CDK14: variants seen among roughly 807,000 people sequenced by gnomAD.
The protein encoded by CDK14 is cyclin-dependent kinase 14.
In CDK14, 34 loss-of-function variants were observed where a neutral mutation model predicts 60.7. That is an observed-to-expected ratio of 0.56 (90% confidence interval 0.43 to 0.75). The LOEUF is 0.75. Among genes scored for constraint, CDK14 ranks in the 30% least tolerant of loss-of-function variants. The pLI, the probability that CDK14 is intolerant of heterozygous loss-of-function variation, is 0.00. For synonymous variants in CDK14, 197 were observed against 203.7 expected, an observed-to-expected ratio of 0.97 and a Z score of 0.28; for missense variants, 482 against 564.1, an observed-to-expected ratio of 0.85 and a Z score of 1.47.
At chr7:90,919,340 C>T (rs1272659558) in intron 8 of CDK14, among the ~76,000 whole-genome samples, 1 of 152,016 alleles carries the variant, frequency 6.6e-6, no homozygotes, top group East Asian at 1.9e-4. Context: ...TTTGTGCTTA[C>T]TAGGGATTCT....
chr7:90,863,199 A>G lies in CDK14; in HGVS notation c.569A>G (p.His190Arg). 1 of 1,607,606 alleles carries G rather than the reference A, an allele frequency of 6.2e-7. No individual in the cohort carries two copies. The highest frequency in any genetic ancestry group is 8.5e-7 in the Non-Finnish European group (1 of 1,175,358). The part of the protein sequence containing the change: ...REASLLKGLK[H>R]ANIVLLHDII... ...GCTTCTCTTTTAAAAGGACTAAAACATGCTAACATAGTGCTACTTCATGAC... is the reference window on the plus strand; with the variant it reads ...GCTTCTCTTTTAAAAGGACTAAAACGTGCTAACATAGTGCTACTTCATGAC... Residue 190 changes from histidine (H) to arginine (R), a missense_variant, in exon 6 of 15, where the codon CAT becomes CGT. Physicochemically the swap from His to Arg is conservative, Grantham distance 29. Transcript: ENST00000380050.
chr7:91,038,139 C>G (rs1796984982), intron 10 of CDK14, among the ~76,000 whole-genome samples: 2 of 152,272 alleles, frequency 1.3e-5, no homozygotes, highest in South Asian at 4.1e-4. Context: ...TTTGCATTAC[C>G]ATTCTGCTCC....
At chr7:90,790,810 A>C (rs191502701) in intron 5 of CDK14, among the ~76,000 whole-genome samples, 158 bp downstream of exon 5, 2 of 152,334 alleles carry the variant, frequency 1.3e-5, no homozygotes, top group Admixed American at 1.3e-4. Flanking sequence ...TATCTCTTGC[A>C]GTCATGTCAA....
chr7:90,643,329 A>G (rs1334460627), intron 2 of CDK14, among the ~76,000 whole-genome samples: 2 of 152,308 alleles, frequency 1.3e-5, no homozygotes, highest in Non-Finnish European at 2.9e-5. Context: ...TTTTGATAAT[A>G]TGCTCTGTTC....
chr7:90,820,539 T>C lies in CDK14; in HGVS notation c.544+29887T>C, dbSNP rs1007661527. Among the ~76,000 whole-genome samples the C allele has an allele frequency of 3.3e-5, 5 of 152,256 alleles. No homozygotes were observed. The East Asian group carries it at 9.7e-4, about 29-fold the overall frequency. On this transcript the variant is annotated intron_variant, in intron 5 of 14. Coordinates refer to ENST00000380050, the MANE Select transcript of CDK14 (RefSeq NM_001287135.2). Reference sequence around the variant, plus strand: ...GCCACCATGTAAGATATGCCTTTCTTCTCCTTCACCTTCCGCCATGACTGT... The same window carrying C: ...GCCACCATGTAAGATATGCCTTTCTCCTCCTTCACCTTCCGCCATGACTGT...
intron 14 of CDK14, among the ~76,000 whole-genome samples, chr7:91,167,955 T>A (rs372834066): frequency 6.6e-6 from 1 of 152,012 alleles, no homozygotes; most frequent in Non-Finnish European, 1.5e-5. Flanking sequence ...TGGAAGAGGG[T>A]GCTATAACCT....
chr7:90,723,535 A>G (rs752163207), intron 2 of CDK14, among the ~76,000 whole-genome samples: 4 of 152,194 alleles, frequency 2.6e-5, no homozygotes, highest in Non-Finnish European at 5.9e-5. Flanking sequence ...GAGAGCACCA[A>G]AATAGAAGAA....
rs548725299 is a variant in CDK14, at chr7:91,049,360, A to G, written c.1105+3400A>G. ...AGTTTTGCCTTGAAAAGAAAAGCCC[A>G]TGGTGTTTTTAGAATAGTGGAGTTA... On this transcript the variant is annotated intron_variant, in intron 11 of 14. Transcript: ENST00000380050. 1.7e-3 allele frequency among the ~76,000 whole-genome samples: 263 copies of G among 152,326 alleles called. 1 individual carries two copies. The highest frequency in any genetic ancestry group is 6.2e-3 in the African/African-American group (256 of 41,586).
chr7:91,010,757 T>A lies in CDK14; in HGVS notation c.1041+26516T>A, dbSNP rs1039070525. 2.0e-5 allele frequency among the ~76,000 whole-genome samples: 3 copies of A among 149,348 alleles called. No homozygotes were observed. In the East Asian group the frequency reaches 5.9e-4, roughly 30 times the overall value. On this transcript the variant is annotated intron_variant, in intron 10 of 14. Coordinates refer to ENST00000380050, the MANE Select transcript of CDK14 (RefSeq NM_001287135.2). ...TTTTCCTTCCTTCTTTCCTTCCTTC[T>A]TTCTTTCCTTCCTTCTTTCCTTCCT...
intron 14 of CDK14, among the ~76,000 whole-genome samples, chr7:91,151,957 A>G (rs1306752829): frequency 7.9e-5 from 12 of 152,358 alleles, no homozygotes; most frequent in Non-Finnish European, 5.9e-5. Context: ...ATGCAGACTC[A>G]GTTGGAGTTA....
intron 7 of CDK14, among the ~76,000 whole-genome samples, chr7:90,909,514 A>G (rs183981940): frequency 1.5e-3 from 221 of 145,186 alleles, no homozygotes; most frequent in African/African-American, 5.3e-3. Flanking sequence ...ATCTTCTTTT[A>G]CAGAACTTGA....
intron 4 of CDK14, among the ~76,000 whole-genome samples, chr7:90,770,830 T>C (rs1041073143): frequency 3.9e-5 from 6 of 152,194 alleles, no homozygotes; most frequent in African/African-American, 1.4e-4. Context: ...CAGGAAACTT[T>C]TCTGACTTCT....
intron 7 of CDK14, 34 bp downstream of exon 7, chr7:90,899,387 A>C (rs754961863): frequency 2.0e-6 from 3 of 1,503,192 alleles, no homozygotes; most frequent in Non-Finnish European, 2.7e-6. Context: ...AAAGGTTAGC[A>C]TTCTTGATGT....
intron 10 of CDK14, among the ~76,000 whole-genome samples, chr7:91,029,369 T>C (rs987264368): frequency 3.3e-5 from 5 of 152,180 alleles, no homozygotes. Context: ...ATATTGATCA[T>C]TTGATAGGAA....
intron 5 of CDK14, among the ~76,000 whole-genome samples, chr7:90,842,503 G>A (rs1346980962): frequency 6.6e-6 from 1 of 152,150 alleles, no homozygotes. Flanking sequence ...GGCACAGATT[G>A]GAGAAAGCAG....
intron 10 of CDK14, among the ~76,000 whole-genome samples, chr7:91,045,015 C>T (rs1457296503): frequency 2.0e-5 from 3 of 152,172 alleles, no homozygotes; most frequent in Non-Finnish European, 4.4e-5. Context: ...AATTGGAGCT[C>T]AGTGGGGTTA....
At chr7:90,850,674 C>T (rs114770478) in intron 5 of CDK14, among the ~76,000 whole-genome samples, 2,120 of 152,200 alleles carry the variant, frequency 0.014, 65 homozygotes, top group African/African-American at 0.049. Flanking sequence ...GAGAAAAGCA[C>T]CATATGGCTG....
At chr7:91,052,967 A>G (rs1249974801) in intron 11 of CDK14, among the ~76,000 whole-genome samples, 3 of 152,096 alleles carry the variant, frequency 2.0e-5, no homozygotes, top group Non-Finnish European at 4.4e-5. Context: ...GAATGTTTAC[A>G]TACGGACTTA....
At chr7:90,896,889 T>C (rs1254397054) in intron 6 of CDK14, among the ~76,000 whole-genome samples, 1 of 152,204 alleles carries the variant, frequency 6.6e-6, no homozygotes, top group African/African-American at 2.4e-5. Flanking sequence ...TGAGATTTTC[T>C]CTTTGTCTCA....
Sources: gnomAD v4.1 joint callset for allele counts (sites outside exome capture counted in the v4.1 genomes callset) on GRCh38, gnomAD v4.1.1 for gene constraint, MANE v1.5 for transcripts, NCBI Gene and HGNC (gene_info 2026-07-23, HGNC 2026-07-21) for gene names.